The following UBR3 variants were observed in gnomAD, a reference collection of about 807,000 sequenced individuals.
UBR3 encodes the protein ubiquitin protein ligase E3 component n-recognin 3, also known as E3 ubiquitin-protein ligase UBR3.
A neutral mutation model predicts 243.2 loss-of-function variants in UBR3; 85 were observed. The ratio of observed to expected loss-of-function variants is 0.35; its 90% CI spans 0.29 to 0.42. The LOEUF is 0.42. Among genes scored for constraint, UBR3 ranks in the 10% least tolerant of loss-of-function variants. The probability of loss-of-function intolerance (pLI) is 1.00; values close to 1 mark genes in which losing one functional copy is unlikely to be tolerated. For synonymous variants in UBR3, 748 were observed against 799.8 expected (o/e 0.94, Z 1.09); for missense variants, 1,686 against 2,300.8 (o/e 0.73, Z 5.47).
chr2:169,856,434 G>A (rs529973732), intron 1 of UBR3, among the ~76,000 whole-genome samples: 7 of 152,276 alleles, frequency 4.6e-5, no homozygotes, highest in African/African-American at 7.2e-5. Context: ...ACGGGGTGGC[G>A]GCCGGGCAGA....
chr2:169,851,070 AGTT>A (rs1461736251), intron 1 of UBR3, among the ~76,000 whole-genome samples: 1 of 152,128 alleles, frequency 6.6e-6, no homozygotes, highest in African/African-American at 2.4e-5. Flanking sequence ...GACTATTCAC[AGTT>A]GTTTTAATTT....
intron 26 of UBR3, among the ~76,000 whole-genome samples, chr2:169,999,601 G>C (rs2089617974): frequency 1.3e-5 from 2 of 152,096 alleles, no homozygotes; most frequent in African/African-American, 4.8e-5. Flanking sequence ...TAGATCTTGT[G>C]CCTTCATATT....
intron 33 of UBR3, 23 bp downstream of exon 33, chr2:170,055,607 C>A: frequency 1.2e-6 from 2 of 1,610,290 alleles, no homozygotes; most frequent in South Asian, 2.2e-5. Flanking sequence ...CTAAATTTGT[C>A]ATTTAGCAGG....
chr2:170,077,259 TTTCAGGATTG>T, intron 36 of UBR3: 1 of 738,894 alleles, frequency 1.4e-6, no homozygotes. Context: ...CATCCATCAT[TTTCAGGATTG>T]TTGGTAACCA....
intron 1 of UBR3, among the ~76,000 whole-genome samples, chr2:169,859,081 CTTTTTT>C (rs575814312): frequency 3.7e-4 from 37 of 99,738 alleles, no homozygotes; most frequent in East Asian, 8.2e-4. Flanking sequence ...CTCACCATGG[CTTTTTT>C]TTTTTTTTTT....
intron 24 of UBR3, among the ~76,000 whole-genome samples, chr2:169,959,341 A>G (rs941599977): frequency 6.6e-6 from 1 of 150,968 alleles, no homozygotes; most frequent in Non-Finnish European, 1.5e-5. Flanking sequence ...GAAAGAATAC[A>G]GATTGAGCAC....
intron 19 of UBR3, among the ~76,000 whole-genome samples, chr2:169,933,797 G>A (rs1394032216): frequency 2.0e-5 from 3 of 152,092 alleles, no homozygotes; most frequent in Non-Finnish European, 4.4e-5. Flanking sequence ...ATCTATCACA[G>A]ACAAATATCT....
Position 169,896,549 on chromosome 2 carries a change from A to G in UBR3, c.1279A>G (p.Met427Val). 2 of 1,549,668 alleles carry G rather than the reference A, an allele frequency of 1.3e-6. No individual in the cohort carries two copies. Among genetic ancestry groups the G allele is most frequent in the Non-Finnish European group, 1.7e-6 (2 of 1,145,708 alleles). ...KTFVQHYAFI[M>V]KTLKKSHESD... The stretch of plus-strand genomic sequence containing the variant: ...TTTTGTTCAGCATTATGCTTTCATT[A>G]TGAAAACACTGAAGAAAAGTCATGA... The change falls in exon 8 of 39, where the codon ATG (methionine) becomes GTG (valine). Residue 427 changes from methionine to valine, a missense_variant. By Grantham distance (21) the Met-to-Val change is conservative. Coordinates refer to ENST00000272793, the MANE Select transcript of UBR3 (RefSeq NM_172070.4).
intron 36 of UBR3, among the ~76,000 whole-genome samples, chr2:170,074,787 T>TA (rs1243744610): frequency 3.3e-5 from 5 of 151,060 alleles, no homozygotes. Context: ...TTTTGTGACT[T>TA]TCTCTAACAG....
intron 11 of UBR3, among the ~76,000 whole-genome samples, chr2:169,917,408 A>T (rs1011477743): frequency 2.0e-5 from 3 of 152,166 alleles, no homozygotes; most frequent in Admixed American, 1.3e-4. Flanking sequence ...AAACTTCAGG[A>T]ATTATTGTTG....
intron 32 of UBR3, among the ~76,000 whole-genome samples, chr2:170,048,367 C>T (rs1440192679): frequency 6.6e-6 from 1 of 152,156 alleles, no homozygotes; most frequent in African/African-American, 2.4e-5. Flanking sequence ...GGGTCAAAAC[C>T]TCACTCTGGC....
chr2:169,895,449 C>A, intron 7 of UBR3, 138 bp downstream of exon 7: 4 of 985,778 alleles, frequency 4.1e-6, no homozygotes, highest in Non-Finnish European at 5.7e-6. Context: ...CTCTTGATAA[C>A]ACAAGTTCTT....
intron 11 of UBR3, among the ~76,000 whole-genome samples, chr2:169,917,615 T>C (rs937183269): frequency 3.3e-5 from 5 of 152,196 alleles, no homozygotes; most frequent in African/African-American, 9.7e-5. Context: ...TAGGAAGATA[T>C]TGAATGTTAT....
At chr2:169,840,640 C>T (rs1241590905) in intron 1 of UBR3, among the ~76,000 whole-genome samples, 2 of 152,154 alleles carry the variant, frequency 1.3e-5, no homozygotes, top group South Asian at 2.1e-4. Context: ...TTCCCCCCAC[C>T]GCGGACACCA....
intron 23 of UBR3, among the ~76,000 whole-genome samples, chr2:169,953,805 G>A (rs1166298937): frequency 6.6e-6 from 1 of 152,190 alleles, no homozygotes; most frequent in Non-Finnish European, 1.5e-5. Flanking sequence ...GCTGTAGAGT[G>A]AGTGGCATTA....
At chr2:170,010,791 T>G (rs2090059655) in intron 29 of UBR3, among the ~76,000 whole-genome samples, 1 of 152,182 alleles carries the variant, frequency 6.6e-6, no homozygotes, top group South Asian at 2.1e-4. Context: ...TTTATTATCT[T>G]TTGCTTGGAA....
chr2:169,928,628 T>C, intron 17 of UBR3, 99 bp from the exon 18 acceptor site: 1 of 952,534 alleles, frequency 1.0e-6, no homozygotes, highest in Non-Finnish European at 1.5e-6. Context: ...AACCAATTAC[T>C]ATTTGTCTAC....
chr2:170,009,354 G>A (rs1029362699), intron 29 of UBR3, among the ~76,000 whole-genome samples: 2 of 152,076 alleles, frequency 1.3e-5, no homozygotes, highest in Admixed American at 6.6e-5. Context: ...AATAGAAACC[G>A]AAAAGATCTA....
At chr2:170,022,706 T>C (rs2090423331) in intron 30 of UBR3, among the ~76,000 whole-genome samples, 1 of 152,050 alleles carries the variant, frequency 6.6e-6, no homozygotes, top group Non-Finnish European at 1.5e-5. Context: ...TATGTTATTA[T>C]ATATAATAAT....
Sources: allele counts gnomAD v4.1 joint callset (sites outside exome capture counted in the v4.1 genomes callset), GRCh38; gene constraint gnomAD v4.1.1; transcripts MANE v1.5; gene names NCBI Gene and HGNC (gene_info 2026-07-23, HGNC 2026-07-21).